NRCAM: variants seen among roughly 807,000 people sequenced by gnomAD.
NRCAM encodes the protein NgCAM-related cell adhesion molecule.
Under a neutral mutation model 156.5 loss-of-function variants are expected in NRCAM, and 83 were observed. The ratio of observed to expected loss-of-function variants is 0.53; its 90% CI spans 0.44 to 0.64. The LOEUF is 0.64. NRCAM is among the 30% of genes least tolerant of loss of function. The probability of loss-of-function intolerance (pLI) is 0.00; values close to 1 mark genes in which losing one functional copy is unlikely to be tolerated. For synonymous variants in NRCAM, 538 were observed against 563.9 expected, an observed-to-expected ratio of 0.95 and a Z score of 0.65; for missense variants, 1,417 against 1,597.3, an observed-to-expected ratio of 0.89 and a Z score of 1.92.
rs527770554 is a variant in NRCAM at position 108,388,430 on chromosome 7, T to C, written c.-174+11006A>G. On this transcript the variant is annotated intron_variant, in intron 2 of 32. Transcript: ENST00000379028. Reference sequence around the variant, plus strand: ...TGTTTGATTTTTTCTTGTAAATTTGTTTAAGTTCTTTGTAGATTCTGGATA... The same window carrying C: ...TGTTTGATTTTTTCTTGTAAATTTGCTTAAGTTCTTTGTAGATTCTGGATA... Among the ~76,000 whole-genome samples, 17 of 152,326 alleles carry C rather than the reference T, an allele frequency of 1.1e-4. No homozygotes were observed. The South Asian group carries it at 3.3e-3, about 30-fold the overall frequency.
rs2098945416 is a variant in NRCAM, at chr7:108,317,750, A to C, written c.-173-5019T>G. On this transcript the variant is annotated intron_variant, in intron 2 of 32. Transcript: ENST00000379028. ...CATGGTGAAAGCCCGTCTCTACTAC[A>C]AAACAAAAATTAGTTGGACGTGGTG... 2.0e-5 allele frequency among the ~76,000 whole-genome samples: 3 copies of C among 151,948 alleles called. No individual in the cohort carries two copies. In the South Asian group the frequency reaches 6.2e-4, roughly 31 times the overall value.
chr7:108,431,967 T>C (rs1290584554), intron 1 of NRCAM, among the ~76,000 whole-genome samples: 2 of 152,234 alleles, frequency 1.3e-5, no homozygotes, highest in African/African-American at 4.8e-5. Context: ...GTCACTTCTT[T>C]GCCCAACCTG....
At chr7:108,256,680 C>T (rs1053301521) in intron 3 of NRCAM, among the ~76,000 whole-genome samples, 3 of 151,942 alleles carry the variant, frequency 2.0e-5, no homozygotes, top group African/African-American at 7.3e-5. Flanking sequence ...GGAGCCAGAC[C>T]CAAAAGACCA....
intron 15 of NRCAM, among the ~76,000 whole-genome samples, chr7:108,195,400 G>T (rs1280893515): frequency 6.6e-6 from 1 of 152,112 alleles, no homozygotes; most frequent in Non-Finnish European, 1.5e-5. Flanking sequence ...GAGGCGGGCG[G>T]ATAATCTGAG....
intron 30 of NRCAM, among the ~76,000 whole-genome samples, chr7:108,161,129 G>C (rs2048683041): frequency 6.6e-6 from 1 of 152,108 alleles, no homozygotes; most frequent in African/African-American, 2.4e-5. Flanking sequence ...GTTCTGAGTG[G>C]AAATTTCTGA....
upstream of NRCAM, chr7:108,456,571 C>T (rs920394274): frequency 2.0e-5 from 3 of 152,320 alleles, no homozygotes; most frequent in Admixed American, 1.3e-4. Flanking sequence ...GCGTCCTCCG[C>T]CTCCTCCCCT....
intron 3 of NRCAM, among the ~76,000 whole-genome samples, chr7:108,279,506 T>A (rs1360196361): frequency 1.5e-5 from 2 of 134,402 alleles, no homozygotes; most frequent in Admixed American, 7.2e-5. Context: ...TGCAACACTG[T>A]TTTTTTTTGG....
chr7:108,165,643 G>A (rs2053555764), intron 30 of NRCAM, among the ~76,000 whole-genome samples: 1 of 152,084 alleles, frequency 6.6e-6, no homozygotes, highest in Non-Finnish European at 1.5e-5. Context: ...GAAATACAAA[G>A]AACAGAATAA....
At chr7:108,211,614 C>T (rs1460805665) in intron 11 of NRCAM, among the ~76,000 whole-genome samples, 2 of 152,060 alleles carry the variant, frequency 1.3e-5, no homozygotes, top group Non-Finnish European at 2.9e-5. Flanking sequence ...TGCTGGATTT[C>T]CCTCGCTTCC....
At chr7:108,177,615 T>G (rs1490315481) in intron 26 of NRCAM, among the ~76,000 whole-genome samples, 26 of 136,108 alleles carry the variant, frequency 1.9e-4, no homozygotes, top group African/African-American at 7.2e-4. Flanking sequence ...AGAGCGAGAC[T>G]CCATCTCAAA....
chr7:108,403,054 T>TA (rs2099797550), intron 1 of NRCAM, among the ~76,000 whole-genome samples: 1 of 152,188 alleles, frequency 6.6e-6, no homozygotes, highest in Non-Finnish European at 1.5e-5. Flanking sequence ...CCCTCCTCCT[T>TA]AGAGTGTCTT....
At chr7:108,203,301 G>A (rs908479039) in intron 13 of NRCAM, among the ~76,000 whole-genome samples, 1 of 152,094 alleles carries the variant, frequency 6.6e-6, no homozygotes, top group Non-Finnish European at 1.5e-5. Flanking sequence ...GTGGTTTTGG[G>A]AAATTTCCAC....
chr7:108,440,538 T>C (rs1382268349), intron 1 of NRCAM, among the ~76,000 whole-genome samples: 2 of 152,170 alleles, frequency 1.3e-5, no homozygotes, highest in Non-Finnish European at 2.9e-5. Flanking sequence ...TTTCCATTAG[T>C]TGGGTTTTAC....
intron 3 of NRCAM, among the ~76,000 whole-genome samples, chr7:108,264,683 A>C (rs1218133390): frequency 2.6e-5 from 4 of 152,192 alleles, no homozygotes; most frequent in Non-Finnish European, 5.9e-5. Flanking sequence ...GGTAGTTAAG[A>C]CTAAAAACAA....
chr7:108,340,054 CT>C (rs202095276), intron 2 of NRCAM, among the ~76,000 whole-genome samples: 1,612 of 152,246 alleles, frequency 0.011, 13 homozygotes, highest in Admixed American at 0.018. Flanking sequence ...TACAAACTTT[CT>C]TTTCATTAAG....
At chr7:108,170,060 CATT>C (rs940576856) in intron 28 of NRCAM, among the ~76,000 whole-genome samples, 5 of 152,010 alleles carry the variant, frequency 3.3e-5, no homozygotes, top group African/African-American at 1.2e-4. Flanking sequence ...GAAATGAAAT[CATT>C]ATCTCTACGA....
chr7:108,267,995 G>A (rs888120478), intron 3 of NRCAM, among the ~76,000 whole-genome samples: 7 of 37,816 alleles, frequency 1.9e-4, no homozygotes, highest in African/African-American at 6.4e-4. Context: ...TGGAATAAAT[G>A]AGTGCACATC....
intron 1 of NRCAM, among the ~76,000 whole-genome samples, chr7:108,416,460 C>G (rs559799513): frequency 6.6e-6 from 1 of 152,104 alleles, no homozygotes; most frequent in African/African-American, 2.4e-5. Context: ...TTGTCATCAC[C>G]GCTGAGATCA....
chr7:108,335,434 CTTTTTTTTT>C lies in NRCAM; in HGVS notation c.-173-22712_-173-22704del, dbSNP rs58975301. 2.6e-3 allele frequency among the ~76,000 whole-genome samples: 182 copies of C among 69,884 alleles called. 10 individuals carry two copies. In the East Asian group the frequency reaches 0.075, roughly 29 times the overall value. The allele number at this position is 69,884 out of a possible 152,430, so 45.8% of individuals were successfully genotyped here. ...ATGTCCTGTGGATCTGTTCCACCTGCTTTTTTTTTTTTTTTTTTTTTTTTTCAGTTTTCA... is the reference window on the plus strand; with the variant it reads ...ATGTCCTGTGGATCTGTTCCACCTGCTTTTTTTTTTTTTTTTCAGTTTTCA... On this transcript the variant is annotated intron_variant, in intron 2 of 32. Coordinates refer to ENST00000379028, the MANE Select transcript of NRCAM (RefSeq NM_001037132.4).
Sources: allele counts gnomAD v4.1 joint callset (sites outside exome capture counted in the v4.1 genomes callset), GRCh38; gene constraint gnomAD v4.1.1; transcripts MANE v1.5; gene names NCBI Gene and HGNC (gene_info 2026-07-23, HGNC 2026-07-21).